The following RETREG1 variants were observed in gnomAD, a reference collection of about 807,000 sequenced individuals.
The protein encoded by RETREG1 is family with sequence similarity 134 member B.
In RETREG1, 44 loss-of-function variants were observed where a neutral mutation model predicts 54.8. That is an observed-to-expected ratio of 0.80 (90% confidence interval 0.63 to 1.03). The LOEUF (loss-of-function observed/expected upper bound fraction) is 1.03. RETREG1 is among the 50% of genes least tolerant of loss of function. The pLI is 0.00. For synonymous variants in RETREG1, 217 were observed against 238.5 expected (o/e 0.91, Z 0.83); for missense variants, 554 against 605.1 (o/e 0.92, Z 0.89).
At chr5:16,481,179 A>G in intron 4 of RETREG1, 86 bp from the exon 5 acceptor site, 1 of 1,017,650 alleles carries the variant, frequency 9.8e-7, no homozygotes, top group Non-Finnish European at 1.5e-6. Flanking sequence ...TTGTAAATCT[A>G]TAGTGACCGG....
chr5:16,530,800 G>C (rs1740891471), intron 3 of RETREG1, among the ~76,000 whole-genome samples: 1 of 151,980 alleles, frequency 6.6e-6, no homozygotes, highest in Non-Finnish European at 1.5e-5. Flanking sequence ...CTGAACCCAG[G>C]AGGCGGAGGT....
chr5:16,496,123 TA>T lies in RETREG1; in HGVS notation c.459-12652del, dbSNP rs371478439. On this transcript the variant is annotated intron_variant, in intron 3 of 8. Transcript: ENST00000306320. ...AAACCTTTTTAGTTTTGTCCACACT[TA>T]AAAAAAAAAGTAGTATTAGCAACTT... Among the ~76,000 whole-genome samples, 350 of 149,464 alleles carry T rather than the reference TA, an allele frequency of 2.3e-3. 1 individual carries two copies. Among genetic ancestry groups the T allele is most frequent in the African/African-American group, 7.3e-3 (299 of 40,836 alleles).
chr5:16,478,107 GA>G lies in RETREG1; in HGVS notation c.809-10del, dbSNP rs373025773. 1.2e-6 allele frequency: 2 copies of G among 1,604,696 alleles called. No homozygotes were observed. The highest frequency in any genetic ancestry group is 1.7e-6 in the Non-Finnish European group (2 of 1,172,584). On this transcript the variant is annotated splice_polypyrimidine_tract_variant and intron_variant, in intron 6 of 8. Coordinates refer to ENST00000306320, the MANE Select transcript of RETREG1 (RefSeq NM_001034850.3). ...TTTTTCTTTGTCTGCTTCTGTTGAG[GA>G]AAAAATTTGGAAGCTTTCAGTTTCC...
intron 3 of RETREG1, among the ~76,000 whole-genome samples, chr5:16,525,069 C>T (rs1018027818): frequency 2.8e-4 from 42 of 152,180 alleles, no homozygotes; most frequent in Non-Finnish European, 4.9e-4. Context: ...GGTGGATGTG[C>T]GCGGGGGACA....
At chr5:16,492,229 T>TCTCTCTCTCACA (rs1406702350) in intron 3 of RETREG1, among the ~76,000 whole-genome samples, 1,107 of 110,548 alleles carry the variant, frequency 0.01, 12 homozygotes, top group Non-Finnish European at 9.3e-3. Context: ...TCTCTCTCTC[T>TCTCTCTCTCACA]CACACACACA....
At chr5:16,495,441 G>A (rs1350923385) in intron 3 of RETREG1, among the ~76,000 whole-genome samples, 1 of 152,188 alleles carries the variant, frequency 6.6e-6, no homozygotes, top group Non-Finnish European at 1.5e-5. Flanking sequence ...AGAGGCCTAG[G>A]ATGACATAAT....
chr5:16,580,898 A>G (rs1561128232), intron 1 of RETREG1, among the ~76,000 whole-genome samples: 1 of 152,154 alleles, frequency 6.6e-6, no homozygotes, highest in Non-Finnish European at 1.5e-5. Flanking sequence ...AGATATTGCA[A>G]CTTCCACTCC....
rs16868826 is a variant in RETREG1 at position 16,592,108 on chromosome 5, G to A, written c.321-20006C>T. ...AAAATAATAACAAAGAAATGCCCTC[G>A]GTCGAGCCAGTCTTTTAAAAATAAT... On this transcript the variant is annotated intron_variant, in intron 1 of 8. Coordinates refer to ENST00000306320, the MANE Select transcript of RETREG1 (RefSeq NM_001034850.3). Among the ~76,000 whole-genome samples, 292 of 152,204 alleles carry A rather than the reference G, an allele frequency of 1.9e-3. 2 individuals carry two copies. The highest frequency in any genetic ancestry group is 6.5e-3 in the African/African-American group (271 of 41,526).
chr5:16,511,908 C>T (rs1177906903), intron 3 of RETREG1, among the ~76,000 whole-genome samples: 2 of 152,074 alleles, frequency 1.3e-5, no homozygotes, highest in Non-Finnish European at 2.9e-5. Context: ...TCCCCCATCA[C>T]CTCCCAGCAG....
intron 1 of RETREG1, chr5:16,616,299 C>T: frequency 3.9e-6 from 1 of 259,160 alleles, no homozygotes; most frequent in East Asian, 9.1e-5. Flanking sequence ...ACGTTTGCTC[C>T]GGCAAGCTTG....
chr5:16,521,991 G>A (rs906561812), intron 3 of RETREG1, among the ~76,000 whole-genome samples: 2 of 152,154 alleles, frequency 1.3e-5, no homozygotes, highest in Non-Finnish European at 2.9e-5. Context: ...ACCATCTGAC[G>A]GCCTTGCGGT....
chr5:16,578,561 G>T (rs1050276999), intron 1 of RETREG1, among the ~76,000 whole-genome samples: 9 of 152,334 alleles, frequency 5.9e-5, no homozygotes, highest in Middle Eastern at 3.4e-3. Context: ...CTCAGAGAAG[G>T]ACTGTCACAG....
chr5:16,605,864 C>T (rs902314334), intron 1 of RETREG1, among the ~76,000 whole-genome samples: 2 of 152,132 alleles, frequency 1.3e-5, no homozygotes, highest in Non-Finnish European at 2.9e-5. Context: ...AGGACTCCCC[C>T]TTCATGACCT....
chr5:16,495,185 T>C (rs1170038026), intron 3 of RETREG1, among the ~76,000 whole-genome samples: 1 of 152,154 alleles, frequency 6.6e-6, no homozygotes, highest in Non-Finnish European at 1.5e-5. Flanking sequence ...CTTATATGTG[T>C]GAGCAAAGAA....
chr5:16,561,220 G>A lies in RETREG1; in HGVS notation c.458+4543C>T, dbSNP rs559779841. On this transcript the variant is annotated intron_variant, in intron 3 of 8. Transcript: ENST00000306320. This position sits in a 1 kb window ranked among gnomAD's most constrained non-coding sequence, Gnocchi z 4.2. ...CTTCCTATAAACGGTACTTCCCGCC[G>A]GGCGCAGTGGCTCACACCTGTAATC... Among the ~76,000 whole-genome samples the A allele has an allele frequency of 6.6e-5, 10 of 152,182 alleles. No homozygotes were observed. The highest frequency in any genetic ancestry group is 2.1e-4 in the South Asian group (1 of 4,818).
At chr5:16,613,872 T>G (rs1743417579) in intron 1 of RETREG1, among the ~76,000 whole-genome samples, 1 of 152,162 alleles carries the variant, frequency 6.6e-6, no homozygotes, top group African/African-American at 2.4e-5. Flanking sequence ...CGTAATGTCC[T>G]TGAAAATCAT....
intron 1 of RETREG1, among the ~76,000 whole-genome samples, chr5:16,579,005 A>G (rs1480316824): frequency 6.6e-6 from 1 of 152,234 alleles, no homozygotes; most frequent in African/African-American, 2.4e-5. Flanking sequence ...GGCCAGGTAG[A>G]AAAGAGACCA....
At chr5:16,515,746 T>C (rs1311912868) in intron 3 of RETREG1, among the ~76,000 whole-genome samples, 1 of 152,126 alleles carries the variant, frequency 6.6e-6, no homozygotes, top group African/African-American at 2.4e-5. Flanking sequence ...ACTCAACATA[T>C]AGTCTGCAGT....
intron 3 of RETREG1, among the ~76,000 whole-genome samples, chr5:16,559,764 C>T (rs1456783199): frequency 1.3e-5 from 2 of 152,204 alleles, no homozygotes; most frequent in African/African-American, 2.4e-5. Context: ...GCTGTGCATA[C>T]AGAAAAGGTC....
Sources: allele counts gnomAD v4.1 joint callset (sites outside exome capture counted in the v4.1 genomes callset), GRCh38; gene constraint gnomAD v4.1.1; non-coding constraint Gnocchi (gnomAD v3.1); transcripts MANE v1.5; gene names NCBI Gene and HGNC (gene_info 2026-07-23, HGNC 2026-07-21).